PSME4: variants seen among roughly 807,000 people sequenced by gnomAD.
PSME4 encodes the protein proteasome activator subunit 4.
In PSME4, 89 loss-of-function variants were observed where a neutral mutation model predicts 253.9. The observed-to-expected ratio is 0.35, with a 90% CI of 0.30 to 0.42. PSME4 has a LOEUF of 0.42. Among genes scored for constraint, PSME4 ranks in the 10% least tolerant of loss-of-function variants. PSME4 has a pLI of 1.00. For missense variants in PSME4, 2,014 were observed against 2,195.2 expected, an observed-to-expected ratio of 0.92 and a Z score of 1.65; for synonymous variants, 851 against 759.2, an observed-to-expected ratio of 1.12 and a Z score of -1.99.
rs557578302 is a variant in PSME4, at chr2:53,950,217, G to A, written c.243-934C>T. ...ATCACTGGAGCCCAGGAAGTCAAGG[G>A]GGCAGTGAGCTGGGATGGCGCCACT... On this transcript the variant is annotated intron_variant, in intron 1 of 46. Coordinates refer to ENST00000404125, the MANE Select transcript of PSME4 (RefSeq NM_014614.3). Among the ~76,000 whole-genome samples, 63 of 152,124 alleles carry A rather than the reference G, an allele frequency of 4.1e-4. 1 individual carries two copies. The highest frequency in any genetic ancestry group is 3.4e-3 in the Middle Eastern group (1 of 294).
At chr2:53,893,554 T>G (rs1252090328) in intron 35 of PSME4, 120 bp downstream of exon 35, 14 of 1,531,170 alleles carry the variant, frequency 9.1e-6, no homozygotes, top group Non-Finnish European at 1.2e-5. Context: ...CAGTGTAAAT[T>G]CCAGTGCCAT....
rs541562056 is a variant in PSME4 at position 53,961,014 on chromosome 2, G to T, written c.242+9529C>A. Among the ~76,000 whole-genome samples the T allele has an allele frequency of 1.1e-3, 165 of 152,318 alleles. 1 individual carries two copies. The highest frequency in any genetic ancestry group is 3.4e-3 in the Middle Eastern group (1 of 294). ...CCTAGCTACCCAGGAGGCTGAGGCAGGAGAATCGCTTGAACCTGGGAGGCA... is the reference window on the plus strand; with the variant it reads ...CCTAGCTACCCAGGAGGCTGAGGCATGAGAATCGCTTGAACCTGGGAGGCA... On this transcript the variant is annotated intron_variant, in intron 1 of 46. Transcript: ENST00000404125.
intron 10 of PSME4, among the ~76,000 whole-genome samples, chr2:53,928,834 A>G (rs1321569204): frequency 6.6e-6 from 1 of 151,932 alleles, no homozygotes; most frequent in Admixed American, 6.6e-5. Context: ...TACCTTACCA[A>G]CTCTTTCCAT....
Position 53,890,094 on chromosome 2 carries a change from G to A in PSME4, c.4296+10C>T, listed in dbSNP as rs1240238453. 3.2e-6 allele frequency: 5 copies of A among 1,586,420 alleles called. No individual in the cohort carries two copies. In the African/African-American group the frequency reaches 6.7e-5, roughly 21 times the overall value. On this transcript the variant is annotated intron_variant, in intron 37 of 46. Coordinates refer to ENST00000404125, the MANE Select transcript of PSME4 (RefSeq NM_014614.3). ...ATCAGTTAGACAAAGAAAGATGTAGGGTAACTTACACAGGATGTTGCTATA... is the reference window on the plus strand; with the variant it reads ...ATCAGTTAGACAAAGAAAGATGTAGAGTAACTTACACAGGATGTTGCTATA...
Position 53,921,056 on chromosome 2 carries a change from C to G in PSME4, c.2095G>C (p.Val699Leu). The change falls in exon 18 of 47, where the codon GTA (valine) becomes CTA (leucine). Residue 699 changes from valine (V) to leucine (L), a missense_variant. Physicochemically the swap from Val to Leu is conservative, Grantham distance 32. Transcript: ENST00000404125. ...TGTAGGGTTCTTTGGAGAATCTTTA[C>G]AAGCTGCTCCCTATAAAGAAGCAAC... The part of the protein sequence containing the change: ...RKLLLYREQL[V>L]KILQRTLHLT... The G allele has an allele frequency of 3.1e-6, 5 of 1,614,044 alleles. No individual in the cohort carries two copies. The highest frequency in any genetic ancestry group is 4.2e-6 in the Non-Finnish European group (5 of 1,180,000).
At position 53,932,753 on chromosome 2, in the gene PSME4, G is replaced by A. The variant is rs762572889; in HGVS notation, c.965C>T (p.Pro322Leu). The change falls in exon 9 of 47, where the codon CCA becomes CTA. Residue 322 changes from proline (P) to leucine (L), a missense_variant. Pro to Leu is a moderately conservative substitution (Grantham distance 98). Transcript: ENST00000404125. ...TAAGTGTTTTTGCACTAGCTTACTT[G>A]GTCCACCCTGTCCAGATAAAAGAGT... ...VIWITAMMGG[P>L]SKLVQKHLAG... 3.1e-6 allele frequency: 5 copies of A among 1,612,440 alleles called. No individual in the cohort carries two copies. The highest frequency in any genetic ancestry group is 4.2e-6 in the Non-Finnish European group (5 of 1,178,542).
intron 8 of PSME4, chr2:53,933,214 C>G (rs887904977): frequency 1.3e-5 from 2 of 157,542 alleles, no homozygotes; most frequent in Non-Finnish European, 2.8e-5. Flanking sequence ...CCTGTCTCTA[C>G]TAGAAATACA....
At chr2:53,865,598 A>G (rs1173350585) in intron 46 of PSME4, 25 bp from the exon 47 acceptor site, 1 of 152,700 alleles carries the variant, frequency 6.5e-6, no homozygotes, top group Non-Finnish European at 1.5e-5. Flanking sequence ...AAAAAATTTC[A>G]ATTAGGTAAC....
At chr2:53,927,888 T>G (rs931894907) in intron 11 of PSME4, among the ~76,000 whole-genome samples, 1 of 152,082 alleles carries the variant, frequency 6.6e-6, no homozygotes, top group Admixed American at 6.5e-5. Context: ...TGGATCACAG[T>G]GCAATGAGCC....
chr2:53,887,399 A>G lies in PSME4; in HGVS notation c.4589T>C (p.Val1530Ala), dbSNP rs1679689362. ...CAGAATTCGAGCAGTAAACTCAGGG[A>G]CATGAGGCGATATGGTTGGTGTGGT... Reference protein sequence around the residue: ...PNTTPTISPHVPEFTARILEK... With the variant: ...PNTTPTISPHAPEFTARILEK... The change falls in exon 40 of 47, where the codon GTC becomes GCC. Residue 1530 changes from valine to alanine, a missense_variant. Physicochemically the swap from Val to Ala is moderately conservative, Grantham distance 64. Around this residue, in one of 4 missense-constraint regions of PSME4, gnomAD observed 403 missense variants for 556.1 expected, o/e 0.72. Coordinates refer to ENST00000404125, the MANE Select transcript of PSME4 (RefSeq NM_014614.3). 5.0e-6 allele frequency: 8 copies of G among 1,614,010 alleles called. No individual in the cohort carries two copies. Among genetic ancestry groups the G allele is most frequent in the Non-Finnish European group, 5.1e-6 (6 of 1,179,894 alleles).
At chr2:53,900,161 T>C (rs1417503266) in intron 28 of PSME4, 144 bp from the exon 29 acceptor site, 1 of 809,624 alleles carries the variant, frequency 1.2e-6, no homozygotes, top group East Asian at 2.7e-5. Flanking sequence ...AAATATCTAA[T>C]AATGGGCAAA....
chr2:53,921,711 A>T (rs1168023593), intron 17 of PSME4, among the ~76,000 whole-genome samples: 14 of 139,022 alleles, frequency 1.0e-4, no homozygotes, highest in Non-Finnish European at 2.2e-4. Flanking sequence ...TACTAAAAAT[A>T]CAAAAAATTA....
At chr2:53,930,394 C>G (rs1668768141) in intron 10 of PSME4, among the ~76,000 whole-genome samples, 1 of 152,190 alleles carries the variant, frequency 6.6e-6, no homozygotes, top group East Asian at 1.9e-4. Context: ...AGTCCCTCCT[C>G]TCCAGGGAGC....
Position 53,970,822 on chromosome 2 carries a change from A to G in PSME4, c.-38T>C. On this transcript the variant is annotated 5_prime_UTR_variant, in exon 1 of 47. Coordinates refer to ENST00000404125, the MANE Select transcript of PSME4 (RefSeq NM_014614.3). ...ACCCCCCCCACCCCCTCCCACCCGA[A>G]CCCTCCCCGGCCCCCACCCCTCTCC... is the stretch of plus-strand genomic sequence containing the variant. The G allele has an allele frequency of 1.1e-6, 1 of 890,426 alleles. No homozygotes were observed. Among genetic ancestry groups the G allele is most frequent in the Non-Finnish European group, 1.5e-6 (1 of 686,076 alleles). The allele number at this position is 890,426 out of a possible 1,614,324, so 55.2% of individuals were successfully genotyped here.
intron 3 of PSME4, among the ~76,000 whole-genome samples, chr2:53,945,233 T>C (rs977219534): frequency 4.6e-5 from 7 of 152,186 alleles, no homozygotes; most frequent in Non-Finnish European, 5.9e-5. Flanking sequence ...ACTTGCAATA[T>C]GCTACTCAAA....
rs1668670850 is a variant in PSME4, at chr2:53,928,441, GCAAT to G, written c.1317-142_1317-139del. On this transcript the variant is annotated intron_variant, in intron 10 of 46. Transcript: ENST00000404125. Reference sequence around the variant, plus strand: ...AGCAAAATACTCAGAGTGAAAATCTGCAATCAAAGTTAACAATTACAGTAGCCCC... The same window carrying G: ...AGCAAAATACTCAGAGTGAAAATCTGCAAAGTTAACAATTACAGTAGCCCC... 7.4e-6 allele frequency: 5 copies of G among 674,040 alleles called. No homozygotes were observed. In the South Asian group the frequency reaches 7.6e-5, roughly 10 times the overall value. The allele number at this position is 674,040 out of a possible 1,614,324, so 41.8% of individuals were successfully genotyped here. A position where few individuals can be genotyped will look rare whatever the true frequency, so the allele number is the denominator to read the frequency against.
Position 53,949,232 on chromosome 2 carries a change from A to G in PSME4, c.294T>C (p.Phe98=). ...RKFSKEDHVL[F]IKLLYELVSI... is the part of the protein sequence containing the mutation. ...ATACCAGCTCATACAATAACTTAATAAAAAGAACATGATCTTCTTTGCTAA... is the reference window on the plus strand; with the variant it reads ...ATACCAGCTCATACAATAACTTAATGAAAAGAACATGATCTTCTTTGCTAA... Residue 98 remains phenylalanine (F), a synonymous_variant, in exon 2 of 47, where the codon TTT becomes TTC. Coordinates refer to ENST00000404125, the MANE Select transcript of PSME4 (RefSeq NM_014614.3). The G allele has an allele frequency of 6.2e-7, 1 of 1,610,752 alleles. No individual in the cohort carries two copies. The highest frequency in any genetic ancestry group is 8.5e-7 in the Non-Finnish European group (1 of 1,178,338).
At chr2:53,954,424 G>A (rs1225642801) in intron 1 of PSME4, among the ~76,000 whole-genome samples, 1 of 152,150 alleles carries the variant, frequency 6.6e-6, no homozygotes, top group Non-Finnish European at 1.5e-5. Context: ...AGAATCACTT[G>A]AATCCAGGAG....
chr2:53,949,701 G>A (rs889343158), intron 1 of PSME4, among the ~76,000 whole-genome samples: 2 of 152,148 alleles, frequency 1.3e-5, no homozygotes, highest in Non-Finnish European at 2.9e-5. Flanking sequence ...GAAACAGAAA[G>A]TAGAATACTT....
Sources: allele counts gnomAD v4.1 joint callset (sites outside exome capture counted in the v4.1 genomes callset), GRCh38; gene constraint gnomAD v4.1.1; regional missense constraint gnomAD v4.1.1; transcripts MANE v1.5; gene names NCBI Gene and HGNC (gene_info 2026-07-23, HGNC 2026-07-21).